The following PIK3C3 variants were observed in gnomAD, a reference collection of about 807,000 sequenced individuals.
PIK3C3 encodes the protein PI3-kinase type 3.
PIK3C3 carries 95 observed loss-of-function variants against 126.1 expected under a neutral mutation model. The ratio of observed to expected loss-of-function variants is 0.75; its 90% CI spans 0.64 to 0.89. The LOEUF is 0.89. Among genes scored for constraint, PIK3C3 ranks in the 40% least tolerant of loss-of-function variants. The pLI is 0.00. For missense variants in PIK3C3, 829 were observed against 1,063.2 expected, an observed-to-expected ratio of 0.78 and a Z score of 3.06; for synonymous variants, 374 against 360.0, an observed-to-expected ratio of 1.04 and a Z score of -0.44.
At chr18:42,031,476 GT>G in intron 15 of PIK3C3, among the ~76,000 whole-genome samples, 1 of 152,070 alleles carries the variant, frequency 6.6e-6, no homozygotes, top group Admixed American at 6.5e-5. Flanking sequence ...CAGTACCATG[GT>G]ACTGTGGCAT....
chr18:42,041,869 C>G (rs1984338557), intron 19 of PIK3C3, among the ~76,000 whole-genome samples: 1 of 152,196 alleles, frequency 6.6e-6, no homozygotes, highest in East Asian at 1.9e-4. Context: ...GGATTGAATT[C>G]CACCTGTGTA....
intron 10 of PIK3C3, 87 bp downstream of exon 10, chr18:42,004,628 TGAGA>T (rs989915408): frequency 2.7e-5 from 28 of 1,032,200 alleles, no homozygotes; most frequent in African/African-American, 2.6e-4. Flanking sequence ...TGTGTGAGAG[TGAGA>T]GAGAGAGTGT....
chr18:42,026,568 A>C (rs1983579860), intron 13 of PIK3C3: 1 of 151,606 alleles, frequency 6.6e-6, no homozygotes, highest in African/African-American at 2.4e-5. Context: ...CTATCTTCCC[A>C]CCTCAGCCTC....
At chr18:42,049,700 G>A (rs1364834393) in intron 21 of PIK3C3, 95 bp downstream of exon 21, 91 of 1,023,972 alleles carry the variant, frequency 8.9e-5, no homozygotes, top group South Asian at 3.9e-4. Context: ...GCGGCCTGGC[G>A]CGGTGGCTCA....
chr18:41,985,299 A>T (rs1981413414), intron 4 of PIK3C3, among the ~76,000 whole-genome samples: 2 of 152,196 alleles, frequency 1.3e-5, no homozygotes, highest in Admixed American at 1.3e-4. Flanking sequence ...GTGGTTCGTT[A>T]TGTAGTAATA....
intron 24 of PIK3C3, among the ~76,000 whole-genome samples, chr18:42,076,107 TATATATATATATATGC>T (rs1224236208): frequency 5.1e-5 from 4 of 77,686 alleles, no homozygotes; most frequent in Admixed American, 3.5e-4. Context: ...TATATATATA[TATATATATATATATGC>T]GCATATATAT....
intron 4 of PIK3C3, among the ~76,000 whole-genome samples, chr18:41,986,452 T>A (rs537209524): frequency 2.6e-4 from 40 of 152,268 alleles, no homozygotes; most frequent in Non-Finnish European, 5.1e-4. Flanking sequence ...CCACCTGTTA[T>A]ATTTTGCATC....
At chr18:42,033,615 C>A (rs1352205515) in intron 15 of PIK3C3, among the ~76,000 whole-genome samples, 1 of 152,164 alleles carries the variant, frequency 6.6e-6, no homozygotes, top group Non-Finnish European at 1.5e-5. Flanking sequence ...CTTTCACAGT[C>A]AAGCGATTGT....
chr18:41,976,588 A>G (rs1048299021), intron 4 of PIK3C3, among the ~76,000 whole-genome samples: 2 of 152,228 alleles, frequency 1.3e-5, no homozygotes, highest in Admixed American at 6.5e-5. Context: ...TGAACTAGCT[A>G]TTTAACCTTT....
At chr18:42,019,070 GA>G (rs1983205283) in intron 12 of PIK3C3, among the ~76,000 whole-genome samples, 1 of 152,004 alleles carries the variant, frequency 6.6e-6, no homozygotes, top group Non-Finnish European at 1.5e-5. Context: ...ATACTTAATG[GA>G]AACAATAGAA....
At chr18:41,988,209 G>A (rs577389767) in intron 5 of PIK3C3, among the ~76,000 whole-genome samples, 6 of 152,232 alleles carry the variant, frequency 3.9e-5, no homozygotes, top group African/African-American at 1.2e-4. Flanking sequence ...TCAAGTCAGC[G>A]TTGGATAAAT....
chr18:42,008,160 T>C lies in PIK3C3; in HGVS notation c.1170+3619T>C, dbSNP rs188249279. Among the ~76,000 whole-genome samples, 29 of 152,334 alleles carry C rather than the reference T, an allele frequency of 1.9e-4. No homozygotes were observed. In the East Asian group the frequency reaches 4.6e-3, roughly 24 times the overall value. On this transcript the variant is annotated intron_variant, in intron 10 of 24. Coordinates refer to ENST00000262039, the MANE Select transcript of PIK3C3 (RefSeq NM_002647.4). ...ATCTCAATACTGTCTGAATTTGATT[T>C]GTTAATATCTGATTTAGGATTTTTT...
chr18:41,958,102 T>C (rs1230763236), intron 2 of PIK3C3, among the ~76,000 whole-genome samples: 4 of 152,202 alleles, frequency 2.6e-5, no homozygotes, highest in Admixed American at 1.3e-4. Flanking sequence ...GTCTGAAATA[T>C]TGTCCAACCT....
chr18:42,012,957 A>G (rs187892487), intron 10 of PIK3C3, among the ~76,000 whole-genome samples: 3 of 152,282 alleles, frequency 2.0e-5, no homozygotes, highest in Admixed American at 6.5e-5. Context: ...GATTCTAACC[A>G]GTAGTAGTCA....
At position 42,028,820 on chromosome 18, in the gene PIK3C3, T is replaced by C. The variant is rs180821908; in HGVS notation, c.1591-505T>C. Among the ~76,000 whole-genome samples the C allele has an allele frequency of 3.4e-3, 519 of 152,364 alleles. 5 individuals carry two copies. Among genetic ancestry groups the C allele is most frequent in the Non-Finnish European group, 3.4e-3 (234 of 68,026 alleles). ...TAATATTTTATGAACTAGGAATCAC[T>C]ACATAGGACCGTATAGCATTTAGTT... On this transcript the variant is annotated intron_variant, in intron 14 of 24. Coordinates refer to ENST00000262039, the MANE Select transcript of PIK3C3 (RefSeq NM_002647.4).
At chr18:42,016,470 G>A (rs1459369995) in intron 12 of PIK3C3, among the ~76,000 whole-genome samples, 9 of 152,046 alleles carry the variant, frequency 5.9e-5, no homozygotes, top group Non-Finnish European at 7.4e-5. Flanking sequence ...TAACATGTAT[G>A]GGAACTGTTC....
At chr18:41,988,530 A>G (rs1220852688) in intron 5 of PIK3C3, among the ~76,000 whole-genome samples, 1 of 152,156 alleles carries the variant, frequency 6.6e-6, no homozygotes, top group Admixed American at 6.6e-5. Context: ...AACAATAATT[A>G]TATTAATCAA....
chr18:41,956,548 CTTTTTTTTTTTTT>C (rs57601171), intron 1 of PIK3C3, among the ~76,000 whole-genome samples: 2 of 100,238 alleles, frequency 2.0e-5, no homozygotes, highest in Admixed American at 2.4e-4. Context: ...AAACCGGTCC[CTTTTTTTTTTTTT>C]TTTTTTTTTG....
At chr18:41,972,666 G>C (rs1370351516) in intron 4 of PIK3C3, among the ~76,000 whole-genome samples, 1 of 152,008 alleles carries the variant, frequency 6.6e-6, no homozygotes, top group South Asian at 2.1e-4. Context: ...GTTCCCCAAA[G>C]ACTAAACAGA....
Sources: allele counts gnomAD v4.1 joint callset (sites outside exome capture counted in the v4.1 genomes callset), GRCh38; gene constraint gnomAD v4.1.1; transcripts MANE v1.5; gene names NCBI Gene and HGNC (gene_info 2026-07-23, HGNC 2026-07-21).